The following BAZ2A variants were observed in gnomAD, a reference collection of about 807,000 sequenced individuals.
BAZ2A encodes bromodomain adjacent to zinc finger domain protein 2A.
A neutral mutation model predicts 199.9 loss-of-function variants in BAZ2A; 34 were observed. The observed-to-expected ratio is 0.17, with a 90% confidence interval of 0.13 to 0.23. The LOEUF (loss-of-function observed/expected upper bound fraction) is 0.23, where lower values mean the gene tolerates loss of function less well. Ranked by LOEUF, BAZ2A falls within the 10% of genes least tolerant of loss-of-function variation. The pLI is 1.00. For synonymous variants in BAZ2A, 857 were observed against 883.9 expected, an observed-to-expected ratio of 0.97 and a Z score of 0.54; for missense variants, 2,002 against 2,391.1, an observed-to-expected ratio of 0.84 and a Z score of 3.39.
In BAZ2A at chr12:56,598,636, T is replaced by G; in HGVS notation, c.5694A>C (p.Gly1898=). 1 of 1,613,804 alleles carries G rather than the reference T, an allele frequency of 6.2e-7. No individual in the cohort carries two copies. Among genetic ancestry groups the G allele is most frequent in the East Asian group, 2.2e-5 (1 of 44,872 alleles). ...FESRWEEFYQ[G]KQANL is the part of the protein sequence containing the mutation. ...CCTTGCCTCACAGATTGGCCTGTTT[T>G]CCCTGATAAAACTCCTCCCAGCGGC... Residue 1898 remains glycine (G), a synonymous_variant, in exon 29 of 29, where the codon GGA becomes GGC. Coordinates refer to ENST00000549884, the MANE Select transcript of BAZ2A (RefSeq NM_001300905.2).
rs200362596 is a variant in BAZ2A at position 56,615,178 on chromosome 12, T to C, written c.566A>G (p.Gln189Arg). ...NGPPSFFTSP[Q>R]TSPMLGSSIQ... ...GCTAGATCCCAACATAGGAGAAGTCTGTGGGGAGGTGAAAAAACTAGGGGG... is the reference window on the plus strand; with the variant it reads ...GCTAGATCCCAACATAGGAGAAGTCCGTGGGGAGGTGAAAAAACTAGGGGG... Residue 189 changes from glutamine to arginine, a missense_variant, in exon 3 of 29, where the codon CAG (glutamine) becomes CGG (arginine). By Grantham distance (43) the Gln-to-Arg change is conservative. Coordinates refer to ENST00000549884, the MANE Select transcript of BAZ2A (RefSeq NM_001300905.2). 155 of 1,613,628 alleles carry C rather than the reference T, an allele frequency of 9.6e-5. No homozygotes were observed. In the African/African-American group the frequency reaches 2.0e-3, roughly 20 times the overall value.
Position 56,602,210 on chromosome 12 carries a change from G to A in BAZ2A, c.3425-18C>T. On this transcript the variant is annotated intron_variant, in intron 19 of 28. Transcript: ENST00000549884. The stretch of plus-strand genomic sequence containing the variant: ...CTCAGGAACTGTAAAGAGAAGTAAA[G>A]AGTTAAGCCATATGCTGACATACAA... 1 of 1,546,556 alleles carries A rather than the reference G, an allele frequency of 6.5e-7. No individual in the cohort carries two copies. Among genetic ancestry groups the A allele is most frequent in the Non-Finnish European group, 8.8e-7 (1 of 1,138,940 alleles).
In BAZ2A at chr12:56,606,625, T is replaced by A; in HGVS notation, c.2193+8A>T. 2 of 1,610,296 alleles carry A rather than the reference T, an allele frequency of 1.2e-6. No individual in the cohort carries two copies. Among genetic ancestry groups the A allele is most frequent in the Non-Finnish European group, 1.7e-6 (2 of 1,176,552 alleles). ...AACCTACTGTTTCATCTCTCTGATG[T>A]CCCTCACCTGCCCTTGGATAGTAGT... On this transcript the variant is annotated splice_region_variant and intron_variant, in intron 11 of 28. Coordinates refer to ENST00000549884, the MANE Select transcript of BAZ2A (RefSeq NM_001300905.2).
intron 19 of BAZ2A, 72 bp downstream of exon 19, chr12:56,602,641 T>C: frequency 6.4e-7 from 1 of 1,555,292 alleles, no homozygotes. Context: ...AGCCCAAGAC[T>C]ACTAAGGAAA....
intron 19 of BAZ2A, 68 bp downstream of exon 19, chr12:56,602,645 A>G: frequency 1.3e-6 from 2 of 1,560,932 alleles, no homozygotes; most frequent in Non-Finnish European, 1.7e-6. Context: ...CAAGACTACT[A>G]AGGAAAAGGA....
upstream of BAZ2A, chr12:56,630,889 C>T (rs1951292092): frequency 2.0e-6 from 2 of 982,968 alleles, no homozygotes; most frequent in Non-Finnish European, 1.2e-6. Context: ...AAAGAAGGTT[C>T]GGCTCTGGAA....
At chr12:56,604,894 T>C (rs1041215209) in intron 14 of BAZ2A, 95 bp from the exon 15 acceptor site, 6 of 1,443,730 alleles carry the variant, frequency 4.2e-6, no homozygotes, top group African/African-American at 1.4e-5. Context: ...AAGAGAACTA[T>C]GGGGGTTAAG....
intron 1 of BAZ2A, among the ~76,000 whole-genome samples, chr12:56,623,185 G>A (rs1401980963): frequency 2.6e-5 from 4 of 151,414 alleles, no homozygotes; most frequent in African/African-American, 4.9e-5. Context: ...GCAGTGAGCC[G>A]AGATCGCGTC....
rs1302762395 is a variant in BAZ2A at position 56,601,318 on chromosome 12, C to T, written c.4156G>A (p.Ala1386Thr). Residue 1386 changes from alanine (A) to threonine (T), a missense_variant, in exon 21 of 29, where the codon GCA becomes ACA. By Grantham distance (58) the Ala-to-Thr change is moderately conservative. Transcript: ENST00000549884. ...TGTGGCATTTCTCCAGGGTCTCCTG[C>T]TCGCCTCTTAGGGGCCAACCCAGCC... ...PLAGLAPKRR[A>T]GDPGEMPQSP... The T allele has an allele frequency of 1.2e-6, 2 of 1,614,036 alleles. No homozygotes were observed. The highest frequency in any genetic ancestry group is 1.7e-6 in the Non-Finnish European group (2 of 1,179,888).
chr12:56,604,821 G>A (rs1950292673), intron 14 of BAZ2A, 22 bp from the exon 15 acceptor site: 1 of 1,607,430 alleles, frequency 6.2e-7, no homozygotes, highest in Non-Finnish European at 8.5e-7. Flanking sequence ...ACAGCATAAT[G>A]GGGGTGAGTA....
chr12:56,600,900 T>C (rs1886401624), intron 22 of BAZ2A, 43 bp downstream of exon 22: 1 of 1,612,010 alleles, frequency 6.2e-7, no homozygotes, highest in Non-Finnish European at 8.5e-7. Context: ...TCAATGCTTA[T>C]CCTGGGCTCT....
chr12:56,622,076 C>A lies in BAZ2A; in HGVS notation c.-2-4544G>T, dbSNP rs563687920. 2.0e-5 allele frequency among the ~76,000 whole-genome samples: 3 copies of A among 152,100 alleles called. No individual in the cohort carries two copies. In the South Asian group the frequency reaches 6.2e-4, roughly 32 times the overall value. ...AGGCCTGGCCAGGCGCAGTGGTTCA[C>A]GCCTGTAATCCCAGCACTTTGGGAG... On this transcript the variant is annotated intron_variant, in intron 1 of 28. Coordinates refer to ENST00000549884, the MANE Select transcript of BAZ2A (RefSeq NM_001300905.2).
At chr12:56,599,621 G>A in intron 26 of BAZ2A, 81 bp downstream of exon 26, 1 of 1,594,020 alleles carries the variant, frequency 6.3e-7, no homozygotes, top group Non-Finnish European at 8.6e-7. Context: ...CCCAGTCTAG[G>A]ACTCTTTCCA....
At chr12:56,617,371 A>G in intron 2 of BAZ2A, 24 bp downstream of exon 2, 1 of 1,573,248 alleles carries the variant, frequency 6.4e-7, no homozygotes, top group Non-Finnish European at 8.6e-7. Context: ...TTCCCTCCCC[A>G]GGCCAAGCAG....
intron 1 of BAZ2A, 126 bp from the exon 2 acceptor site, chr12:56,617,658 G>T (rs1950767070): frequency 9.8e-7 from 1 of 1,019,694 alleles, no homozygotes; most frequent in Non-Finnish European, 1.4e-6. Flanking sequence ...TAAGTACTGT[G>T]TGAGGGAAGG....
At chr12:56,621,145 T>G in intron 1 of BAZ2A, 1 of 985,368 alleles carries the variant, frequency 1.0e-6, no homozygotes, top group Non-Finnish European at 1.2e-6. Context: ...TACATGCAAC[T>G]TCCATCCTAT....
chr12:56,605,867 T>C lies in BAZ2A; in HGVS notation c.2456A>G (p.Lys819Arg). Residue 819 changes from lysine to arginine, a missense_variant, in exon 13 of 29, where the codon AAG becomes AGG. This residue lies in a region of BAZ2A where 1,081 missense variants were observed against 1,274.7 expected (regional missense o/e 0.85). Transcript: ENST00000549884. ...QRQQMILEEM[K>R]KPTEDMCLTD... ...CAGACACATATCCTCTGTCGGCTTC[T>C]TCATTTCCTCCAAGATCATCTGCTG... is the stretch of plus-strand genomic sequence containing the variant. The C allele has an allele frequency of 4.4e-6, 7 of 1,606,040 alleles. No homozygotes were observed. The highest frequency in any genetic ancestry group is 6.0e-6 in the Non-Finnish European group (7 of 1,176,100).
chr12:56,603,326 T>C (rs977820390), intron 18 of BAZ2A, 33 bp downstream of exon 18: 1 of 1,605,508 alleles, frequency 6.2e-7, no homozygotes, highest in African/African-American at 1.3e-5. Context: ...CCAGCCCATA[T>C]CTCCAACTCT....
intron 7 of BAZ2A, 73 bp from the exon 8 acceptor site, chr12:56,610,590 C>A: frequency 7.2e-7 from 1 of 1,382,676 alleles, no homozygotes; most frequent in Non-Finnish European, 1.0e-6. Flanking sequence ...AAGCGCGAAG[C>A]CCTCTGAGCA....
Sources: gnomAD v4.1 joint callset for allele counts (sites outside exome capture counted in the v4.1 genomes callset) on GRCh38, gnomAD v4.1.1 for gene constraint, gnomAD v4.1.1 regional missense constraint, MANE v1.5 for transcripts, NCBI Gene and HGNC (gene_info 2026-07-23, HGNC 2026-07-21) for gene names.